The following SERINC3 variants were observed in gnomAD, a reference collection of about 807,000 sequenced individuals.
The protein encoded by SERINC3 is serine incorporator 3.
In SERINC3, 22 loss-of-function variants were observed where a neutral mutation model predicts 52.1. The ratio of observed to expected loss-of-function variants is 0.42; its 90% CI spans 0.30 to 0.60. The LOEUF is 0.60. Among genes scored for constraint, SERINC3 ranks in the 20% least tolerant of loss-of-function variants. The pLI is 0.16. For missense variants in SERINC3, 564 were observed against 584.6 expected (o/e 0.96, Z 0.36); for synonymous variants, 226 against 212.7 (o/e 1.06, Z -0.54).
At chr20:44,514,748 G>A (rs1358829472) in intron 1 of SERINC3, among the ~76,000 whole-genome samples, 4 of 152,106 alleles carry the variant, frequency 2.6e-5, no homozygotes, top group Non-Finnish European at 2.9e-5. Flanking sequence ...GCTACAGAGC[G>A]AGACTCCATC....
Position 44,504,909 on chromosome 20 carries a change from A to C in SERINC3, c.784-18T>G. On this transcript the variant is annotated intron_variant, in intron 6 of 9. Transcript: ENST00000342374. ...TGGTGTTCCTATGGAATCAAAAGGA[A>C]AACAGTGGCACAGGGACTGCCAAGG... 6.2e-7 allele frequency: 1 copy of C among 1,605,284 alleles called. No individual in the cohort carries two copies. The highest frequency in any genetic ancestry group is 8.5e-7 in the Non-Finnish European group (1 of 1,172,590).
intron 3 of SERINC3, 27 bp from the exon 4 acceptor site, chr20:44,511,395 G>C (rs2064346865): frequency 6.9e-7 from 1 of 1,445,984 alleles, no homozygotes; most frequent in African/African-American, 1.4e-5. Flanking sequence ...ATGCATTTAT[G>C]AAATGCTAAG....
In SERINC3 at chr20:44,500,271, AGTG is replaced by A; in HGVS notation, c.*22_*24del. On this transcript the variant is annotated 3_prime_UTR_variant, in exon 10 of 10. Transcript: ENST00000342374. ...GGTGAAGGAGACCTTTGTGAGTTCCAGTGGTGTCCTTGGCACTCAGAGGTTCAG... is the reference window on the plus strand; with the variant it reads ...GGTGAAGGAGACCTTTGTGAGTTCCAGTGTCCTTGGCACTCAGAGGTTCAG... 6.2e-7 allele frequency: 1 copy of A among 1,603,516 alleles called. No individual in the cohort carries two copies. The highest frequency in any genetic ancestry group is 8.5e-7 in the Non-Finnish European group (1 of 1,173,534).
intron 9 of SERINC3, 97 bp downstream of exon 9, chr20:44,500,976 G>A (rs1254134327): frequency 2.4e-6 from 2 of 828,758 alleles, no homozygotes; most frequent in Non-Finnish European, 4.0e-6. Context: ...CATTATATGG[G>A]TAAGAGCAAG....
chr20:44,504,457 T>A (rs544774506), intron 7 of SERINC3, among the ~76,000 whole-genome samples: 1 of 152,346 alleles, frequency 6.6e-6, no homozygotes, highest in Non-Finnish European at 1.5e-5. Context: ...TTCCTACAGC[T>A]GTTTCTTCTA....
rs2064294534 is a variant in SERINC3, at chr20:44,503,824, A to C, written c.1046T>G (p.Leu349Trp). 6.4e-7 allele frequency: 1 copy of C among 1,550,918 alleles called. No individual in the cohort carries two copies. The highest frequency in any genetic ancestry group is 8.6e-7 in the Non-Finnish European group (1 of 1,157,762). ...GTACCTTTTAACTTACCTAGAATAC[A>C]AGAGGCAGAGAACAAAGACAAACAG... ...IGLFVFVLCL[L>W]YSSIRTSTNS... The change falls in exon 8 of 10, where the codon TTG becomes TGG. Residue 349 changes from leucine (L) to tryptophan (W), a missense_variant. Transcript: ENST00000342374.
intron 1 of SERINC3, among the ~76,000 whole-genome samples, chr20:44,514,779 A>T (rs1489915248): frequency 6.6e-6 from 1 of 151,972 alleles, no homozygotes; most frequent in Non-Finnish European, 1.5e-5. Context: ...AAAATAAAAT[A>T]AAAAAATAAA....
chr20:44,518,681 T>C (rs1402575961), intron 1 of SERINC3, among the ~76,000 whole-genome samples: 2 of 151,892 alleles, frequency 1.3e-5, no homozygotes, highest in Non-Finnish European at 2.9e-5. Context: ...TTAGAAAGCC[T>C]TGGCTGGGTG....
chr20:44,512,273 A>G (rs1282296765), intron 3 of SERINC3, among the ~76,000 whole-genome samples: 2 of 150,414 alleles, frequency 1.3e-5, no homozygotes, highest in African/African-American at 2.5e-5. Flanking sequence ...AGATCACGCC[A>G]TTACACTCCA....
At chr20:44,503,283 C>T (rs2064291049) in intron 8 of SERINC3, among the ~76,000 whole-genome samples, 1 of 152,100 alleles carries the variant, frequency 6.6e-6, no homozygotes, top group Non-Finnish European at 1.5e-5. Flanking sequence ...CATGGGAATG[C>T]AAAGGACCCA....
chr20:44,514,587 G>T (rs951794924), intron 1 of SERINC3, among the ~76,000 whole-genome samples: 17 of 151,846 alleles, frequency 1.1e-4, no homozygotes, highest in African/African-American at 4.1e-4. Flanking sequence ...GTGAAACCCT[G>T]TCTCTACTAA....
chr20:44,521,450 T>C (rs561372220), intron 1 of SERINC3, among the ~76,000 whole-genome samples: 3 of 152,228 alleles, frequency 2.0e-5, no homozygotes, highest in African/African-American at 4.8e-5. Context: ...GCACCTGAAC[T>C]GCAGACAAGC....
At chr20:44,518,705 C>T (rs1472308363) in intron 1 of SERINC3, among the ~76,000 whole-genome samples, 1 of 152,162 alleles carries the variant, frequency 6.6e-6, no homozygotes, top group Non-Finnish European at 1.5e-5. Flanking sequence ...TGGCTCACAC[C>T]TGTAATCCCA....
chr20:44,511,812 A>C (rs1017959778), intron 3 of SERINC3, among the ~76,000 whole-genome samples: 1 of 152,226 alleles, frequency 6.6e-6, no homozygotes, highest in African/African-American at 2.4e-5. Context: ...TTTTCAGTTC[A>C]TGATCTTTAA....
chr20:44,508,176 A>C (rs907520385), intron 5 of SERINC3, among the ~76,000 whole-genome samples: 2 of 152,192 alleles, frequency 1.3e-5, no homozygotes, highest in Non-Finnish European at 2.9e-5. Context: ...GAGTTGTATG[A>C]TCCAAAATGA....
rs562781877 is a variant in SERINC3, at chr20:44,520,714, T to C, written c.39+1199A>G. On this transcript the variant is annotated intron_variant, in intron 1 of 9. Transcript: ENST00000342374. The stretch of plus-strand genomic sequence containing the variant: ...ACCCAAACCTCACGATAAGGCAATA[T>C]ACCCATGTAACAAAACTGCATATGT... Among the ~76,000 whole-genome samples the C allele has an allele frequency of 4.9e-4, 75 of 152,174 alleles. 1 individual carries two copies. Among genetic ancestry groups the C allele is most frequent in the Non-Finnish European group, 6.0e-4 (41 of 68,018 alleles).
At chr20:44,504,074 ATCAT>A in intron 7 of SERINC3, 79 bp from the exon 8 acceptor site, 1 of 1,193,042 alleles carries the variant, frequency 8.4e-7, no homozygotes, top group Non-Finnish European at 1.2e-6. Flanking sequence ...TTCCCTACAT[ATCAT>A]TCAGTCATGA....
intron 5 of SERINC3, 21 bp from the exon 6 acceptor site, chr20:44,507,017 A>G (rs1474991257): frequency 1.3e-6 from 2 of 1,542,662 alleles, no homozygotes; most frequent in Non-Finnish European, 1.7e-6. Context: ...GGAAACCAAT[A>G]TGAATGACCA....
intron 1 of SERINC3, among the ~76,000 whole-genome samples, chr20:44,515,721 G>A (rs1420952349): frequency 2.6e-5 from 4 of 151,714 alleles, no homozygotes; most frequent in Non-Finnish European, 5.9e-5. Context: ...CACAATCTCG[G>A]CTCACGGCAA....
Sources: gnomAD v4.1 joint callset for allele counts (sites outside exome capture counted in the v4.1 genomes callset) on GRCh38, gnomAD v4.1.1 for gene constraint, MANE v1.5 for transcripts, NCBI Gene and HGNC (gene_info 2026-07-23, HGNC 2026-07-21) for gene names.